The following CELSR1 variants were observed in gnomAD, a reference collection of about 807,000 sequenced individuals.
CELSR1 encodes adhesion G protein-coupled receptor C1.
CELSR1 carries 110 observed loss-of-function variants against 249.1 expected under a neutral mutation model. The ratio of observed to expected loss-of-function variants is 0.44; its 90% CI spans 0.38 to 0.52. The LOEUF (loss-of-function observed/expected upper bound fraction) is 0.52, where lower values mean the gene tolerates loss of function less well. Ranked by LOEUF, CELSR1 falls within the 20% of genes least tolerant of loss-of-function variation. The pLI is 0.00. For missense variants in CELSR1, 4,109 were observed against 4,296.4 expected (o/e 0.96, Z 1.22); for synonymous variants, 2,113 against 1,900.0 (o/e 1.11, Z -2.92).
In CELSR1 at chr22:46,537,144, C is replaced by T; in HGVS notation, c.27G>A (p.Leu9=). 2.0e-5 allele frequency: 21 copies of T among 1,029,826 alleles called. No individual in the cohort carries two copies. Among genetic ancestry groups the T allele is most frequent in the Non-Finnish European group, 2.4e-5 (21 of 861,114 alleles). The allele number at this position is 1,029,826 out of a possible 1,614,324, so 63.8% of individuals were successfully genotyped here. The change falls in exon 1 of 35, where the codon CTG becomes CTA. Residue 9 remains leucine (L), a synonymous_variant. Transcript: ENST00000674500. This position sits in a 1 kb window ranked among gnomAD's most constrained non-coding sequence, Gnocchi z 5.8. ...CGGCGGCCAGGAGCAGCAGCACGGG[C>T]AGCACGGGCGGCGGCGGCGGCGCCA... The part of the protein sequence containing the change: MAPPPPPV[L]PVLLLLAAAA...
chr22:46,398,709 G>A lies in CELSR1; in HGVS notation c.5413-72C>T, dbSNP rs962121391. On this transcript the variant is annotated intron_variant, in intron 10 of 34. Transcript: ENST00000674500. The surrounding 1 kb of genome is among the most constrained non-coding windows in gnomAD (Gnocchi z 7.2). ...CTAGAAACGTCTCTCAGATGGGAAG[G>A]ATACACTGGAAGTCTAAACAGTCAC... 3 of 1,210,064 alleles carry A rather than the reference G, an allele frequency of 2.5e-6. No individual in the cohort carries two copies. Among genetic ancestry groups the A allele is most frequent in the African/African-American group, 3.0e-5 (2 of 65,854 alleles). 75.0% of individuals were successfully genotyped at this position (1,210,064 alleles called of 1,614,324 possible).
Position 46,436,129 on chromosome 22 carries a change from T to C in CELSR1, c.4522+45A>G. ...GAGGGTCGTTTTAACCCACAAAGTATCTGTGAATTGCTCAGAGCTGCCCTT... is the reference window on the plus strand; with the variant it reads ...GAGGGTCGTTTTAACCCACAAAGTACCTGTGAATTGCTCAGAGCTGCCCTT... On this transcript the variant is annotated intron_variant, in intron 4 of 34. Transcript: ENST00000674500. This position sits in a 1 kb window ranked among gnomAD's most constrained non-coding sequence, Gnocchi z 5.9. The C allele has an allele frequency of 6.6e-7, 1 of 1,509,630 alleles. No homozygotes were observed. 93.5% of individuals were successfully genotyped at this position (1,509,630 alleles called of 1,614,324 possible).
chr22:46,488,481 TTCGG>T lies in CELSR1; in HGVS notation c.3545-24140_3545-24137del, dbSNP rs2080337318. Among the ~76,000 whole-genome samples the T allele has an allele frequency of 6.6e-6, 1 of 152,064 alleles. No individual in the cohort carries two copies. Among genetic ancestry groups the T allele is most frequent in the Admixed American group, 6.5e-5 (1 of 15,270 alleles). On this transcript the variant is annotated intron_variant, in intron 1 of 34. Transcript: ENST00000674500. The surrounding 1 kb of genome is among the most constrained non-coding windows in gnomAD (Gnocchi z 4.7). Reference sequence around the variant, plus strand: ...CGTGCCAGTGAGCTCAGTGGGACGGTTCGGCAGGAACACGGCTTGAACCCACACC... The same window carrying T: ...CGTGCCAGTGAGCTCAGTGGGACGGTCAGGAACACGGCTTGAACCCACACC...
chr22:46,516,291 G>A (rs1236331508), intron 1 of CELSR1, among the ~76,000 whole-genome samples: 2 of 152,142 alleles, frequency 1.3e-5, no homozygotes, highest in Non-Finnish European at 2.9e-5. Context: ...AAAATGATGA[G>A]TTCATGTCCT....
chr22:46,482,850 G>GATGTCAAGATTT (rs1326761902), intron 1 of CELSR1, among the ~76,000 whole-genome samples: 1 of 152,200 alleles, frequency 6.6e-6, no homozygotes, highest in East Asian at 1.9e-4. Context: ...AGCTCTATCT[G>GATGTCAAGATTT]ATGTCAAGAT....
chr22:46,427,708 C>G lies in CELSR1; in HGVS notation c.4611+5685G>C, dbSNP rs1031361863. Among the ~76,000 whole-genome samples, 1 of 152,152 alleles carries G rather than the reference C, an allele frequency of 6.6e-6. No homozygotes were observed. The highest frequency in any genetic ancestry group is 1.5e-5 in the Non-Finnish European group (1 of 68,030). ...TATTAAATACCTTCCAAGTTCGTTT[C>G]TGTAAGTTGGATTCTGTGCGTGTAA... is the stretch of plus-strand genomic sequence containing the variant. On this transcript the variant is annotated intron_variant, in intron 5 of 34. Coordinates refer to ENST00000674500, the MANE Select transcript of CELSR1 (RefSeq NM_001378328.1). The surrounding 1 kb of genome is among the most constrained non-coding windows in gnomAD (Gnocchi z 4.2).
chr22:46,468,519 T>C lies in CELSR1; in HGVS notation c.3545-4174A>G, dbSNP rs2080122064. 6.6e-6 allele frequency among the ~76,000 whole-genome samples: 1 copy of C among 152,124 alleles called. No individual in the cohort carries two copies. Among genetic ancestry groups the C allele is most frequent in the Admixed American group, 6.6e-5 (1 of 15,264 alleles). On this transcript the variant is annotated intron_variant, in intron 1 of 34. Transcript: ENST00000674500. This position sits in a 1 kb window ranked among gnomAD's most constrained non-coding sequence, Gnocchi z 4.5. ...TGCTCACTGCAATAAGCCGGTCACA[T>C]GTGAGGCTGCACTTACAGGAGGTCC...
rs1417645707 is a variant in CELSR1, at chr22:46,395,593, G to A, written c.5843+1012C>T. Among the ~76,000 whole-genome samples the A allele has an allele frequency of 2.0e-5, 3 of 152,148 alleles. No individual in the cohort carries two copies. The highest frequency in any genetic ancestry group is 7.2e-5 in the African/African-American group (3 of 41,428). On this transcript the variant is annotated intron_variant, in intron 13 of 34. Transcript: ENST00000674500. This position sits in a 1 kb window ranked among gnomAD's most constrained non-coding sequence, Gnocchi z 5.5. ...AAGAATGATGTGGTGCCATCTTCTC[G>A]TGAGGTCACCAGCTCCAGGGCACAG...
intron 1 of CELSR1, among the ~76,000 whole-genome samples, chr22:46,493,078 T>C (rs2080382604): frequency 6.6e-6 from 1 of 151,522 alleles, no homozygotes; most frequent in African/African-American, 2.4e-5. Flanking sequence ...ATCCTATCTC[T>C]ACAAAAAATA....
intron 12 of CELSR1, among the ~76,000 whole-genome samples, chr22:46,397,469 G>A (rs945569951): frequency 3.9e-5 from 6 of 151,952 alleles, no homozygotes; most frequent in African/African-American, 1.2e-4. Context: ...TGAGGAGAGC[G>A]CCTGGGGCAC....
chr22:46,533,362 C>A (rs1263823876), intron 1 of CELSR1, among the ~76,000 whole-genome samples: 3 of 152,248 alleles, frequency 2.0e-5, no homozygotes, highest in African/African-American at 7.2e-5. Context: ...CTGAGGAAGG[C>A]GCTGATCCCC....
chr22:46,409,195 T>A lies in CELSR1; in HGVS notation c.5060-33A>T. 2 of 1,604,004 alleles carry A rather than the reference T, an allele frequency of 1.2e-6. No homozygotes were observed. The highest frequency in any genetic ancestry group is 1.7e-6 in the Non-Finnish European group (2 of 1,176,482). On this transcript the variant is annotated intron_variant, in intron 8 of 34. Coordinates refer to ENST00000674500, the MANE Select transcript of CELSR1 (RefSeq NM_001378328.1). This position sits in a 1 kb window ranked among gnomAD's most constrained non-coding sequence, Gnocchi z 9.8. ...CACAGGCCCAGGGACCTCAGGTGTCTCCCGAAATCACACGGCCGCGGACTT... is the reference window on the plus strand; with the variant it reads ...CACAGGCCCAGGGACCTCAGGTGTCACCCGAAATCACACGGCCGCGGACTT...
At position 46,390,389 on chromosome 22, in the gene CELSR1, T is replaced by C. The variant is rs2079076724; in HGVS notation, c.6345+3A>G. The stretch of plus-strand genomic sequence containing the variant: ...TGAACACACATCCCCGAGGCGCCCC[T>C]ACCATGGCCCTGAGGTCCACGAAGG... On this transcript the variant is annotated splice_donor_region_variant and intron_variant, in intron 17 of 34. Coordinates refer to ENST00000674500, the MANE Select transcript of CELSR1 (RefSeq NM_001378328.1). The surrounding 1 kb of genome is among the most constrained non-coding windows in gnomAD (Gnocchi z 6.3). The C allele has an allele frequency of 6.2e-7, 1 of 1,610,894 alleles. No individual in the cohort carries two copies. The highest frequency in any genetic ancestry group is 8.5e-7 in the Non-Finnish European group (1 of 1,178,306).
rs962269917 is a variant in CELSR1 at position 46,393,886 on chromosome 22, C to T, written c.5964+256G>A. Among the ~76,000 whole-genome samples the T allele has an allele frequency of 3.9e-5, 6 of 152,318 alleles. No individual in the cohort carries two copies. The highest frequency in any genetic ancestry group is 4.1e-4 in the South Asian group (2 of 4,830). On this transcript the variant is annotated intron_variant, in intron 14 of 34. Coordinates refer to ENST00000674500, the MANE Select transcript of CELSR1 (RefSeq NM_001378328.1). This position sits in a 1 kb window ranked among gnomAD's most constrained non-coding sequence, Gnocchi z 4.1. ...GGAGGAGGCAGGGATTCCTGTTCCA[C>T]GGGCGGGGGCTGGCAGGGCTGAACC...
chr22:46,379,091 C>T (rs116109235), intron 22 of CELSR1, among the ~76,000 whole-genome samples: 2,741 of 152,314 alleles, frequency 0.018, 77 homozygotes, highest in African/African-American at 0.062. Flanking sequence ...GCGTCCGCCC[C>T]GCTGCTGGAA....
intron 1 of CELSR1, among the ~76,000 whole-genome samples, chr22:46,475,054 TA>T (rs1042257020): frequency 6.6e-6 from 1 of 152,178 alleles, no homozygotes; most frequent in African/African-American, 2.4e-5. Context: ...AATGCCATTT[TA>T]TCTTGCCGCA....
rs372536234 is a variant in CELSR1 at position 46,380,776 on chromosome 22, C to T, written c.7256+12G>A. ...CAAAGCCCTCACATGGGGCTCCTGG[C>T]GTCACACTTACGCCAGGGAGTGGTT... On this transcript the variant is annotated intron_variant, in intron 22 of 34. Transcript: ENST00000674500. This position sits in a 1 kb window ranked among gnomAD's most constrained non-coding sequence, Gnocchi z 5.1. 1.2e-5 allele frequency: 20 copies of T among 1,609,134 alleles called. No homozygotes were observed. The Admixed American group carries it at 1.8e-4, about 15-fold the overall frequency.
chr22:46,467,594 G>A (rs1212057333), intron 1 of CELSR1, among the ~76,000 whole-genome samples: 2 of 151,876 alleles, frequency 1.3e-5, no homozygotes, highest in Non-Finnish European at 2.9e-5. Context: ...AGGCTGAGGC[G>A]GGCAGATCAC....
chr22:46,420,179 CAT>C (rs1212224572), intron 5 of CELSR1, among the ~76,000 whole-genome samples: 3 of 151,576 alleles, frequency 2.0e-5, no homozygotes, highest in Non-Finnish European at 4.4e-5. Flanking sequence ...TGCACTCATT[CAT>C]ACTCACATGT....
Sources: allele counts gnomAD v4.1 joint callset (sites outside exome capture counted in the v4.1 genomes callset), GRCh38; gene constraint gnomAD v4.1.1; non-coding constraint Gnocchi (gnomAD v3.1); transcripts MANE v1.5; gene names NCBI Gene and HGNC (gene_info 2026-07-23, HGNC 2026-07-21).